Variants in DUT observed in about 807,000 individuals in gnomAD.
The protein encoded by DUT is deoxyuridine 5'-triphosphate nucleotidohydrolase, mitochondrial.
A neutral mutation model predicts 28.8 loss-of-function variants in DUT; 21 were observed. The observed-to-expected ratio is 0.73, with a 90% CI of 0.52 to 1.05. The LOEUF (loss-of-function observed/expected upper bound fraction) is 1.05. Ranked by LOEUF, DUT falls within the 50% of genes least tolerant of loss-of-function variation. The pLI is 0.00. For missense variants in DUT, 344 were observed against 351.8 expected (o/e 0.98, Z 0.18); for synonymous variants, 147 against 143.7 (o/e 1.02, Z -0.17).
At chr15:48,334,852 G>A (rs1481986736) in intron 3 of DUT, among the ~76,000 whole-genome samples, 1 of 152,186 alleles carries the variant, frequency 6.6e-6, no homozygotes, top group African/African-American at 2.4e-5. Context: ...TGGCCATGGG[G>A]TTAGGGTAAG....
intron 2 of DUT, 152 bp from the exon 3 acceptor site, chr15:48,334,265 G>A (rs2042450907): frequency 6.6e-6 from 3 of 453,068 alleles, no homozygotes; most frequent in Non-Finnish European, 1.2e-5. Flanking sequence ...AGATGAATTG[G>A]TAATTCATCA....
intron 4 of DUT, among the ~76,000 whole-genome samples, chr15:48,338,852 A>G (rs930532271): frequency 2.6e-5 from 4 of 152,228 alleles, no homozygotes; most frequent in African/African-American, 9.6e-5. Flanking sequence ...AAACAATGGT[A>G]CAGGTTGGGC....
At chr15:48,339,833 A>C (rs966413618) in intron 4 of DUT, among the ~76,000 whole-genome samples, 2 of 152,198 alleles carry the variant, frequency 1.3e-5, no homozygotes, top group Non-Finnish European at 2.9e-5. Context: ...CTAGTAATTC[A>C]TTCATAAAGC....
chr15:48,331,139 G>C, upstream of DUT: 1 of 1,492,186 alleles, frequency 6.7e-7, no homozygotes, highest in Non-Finnish European at 8.9e-7. Flanking sequence ...GGCGCTTAGG[G>C]CGCCGCTAAA....
chr15:48,331,811 G>A lies in DUT; in HGVS notation c.280+16G>A, dbSNP rs1353005710. 13 of 1,363,248 alleles carry A rather than the reference G, an allele frequency of 9.5e-6. No homozygotes were observed. The highest frequency in any genetic ancestry group is 9.4e-6 in the Non-Finnish European group (10 of 1,064,290). The allele number at this position is 1,363,248 out of a possible 1,614,324, so 84.4% of individuals were successfully genotyped here. The stretch of plus-strand genomic sequence containing the variant: ...CCGGGGCCGGGTAGGAAAGGCGGGG[G>A]AGGGGCTCCGGCCGTCTGGAAGGAA... On this transcript the variant is annotated intron_variant, in intron 1 of 6. Coordinates refer to ENST00000331200, the MANE Select transcript of DUT (RefSeq NM_001025248.2).
In DUT at chr15:48,342,043, G is replaced by T. The variant is rs565270265; in HGVS notation, c.724G>T (p.Gly242Cys). ...EVQALDDTER[G>C]SGGFGSTGKN ...TCAGGCCTTGGATGACACCGAAAGGGGTTCAGGAGGTTTTGGTTCCACTGG... is the reference window on the plus strand; with the variant it reads ...TCAGGCCTTGGATGACACCGAAAGGTGTTCAGGAGGTTTTGGTTCCACTGG... Residue 242 changes from glycine (G) to cysteine (C), a missense_variant, in exon 7 of 7, where the codon GGT (glycine) becomes TGT (cysteine). Gly to Cys is a radical substitution (Grantham distance 159). Coordinates refer to ENST00000331200, the MANE Select transcript of DUT (RefSeq NM_001025248.2). 6.3e-7 allele frequency: 1 copy of T among 1,580,848 alleles called. No individual in the cohort carries two copies. Among genetic ancestry groups the T allele is most frequent in the African/African-American group, 1.4e-5 (1 of 72,362 alleles).
At chr15:48,332,453 C>A in intron 2 of DUT, 47 bp downstream of exon 2, 1 of 1,448,896 alleles carries the variant, frequency 6.9e-7, no homozygotes, top group South Asian at 1.3e-5. Context: ...GCCGGCCGTC[C>A]GCTGCCACAG....
intron 4 of DUT, among the ~76,000 whole-genome samples, chr15:48,336,574 A>C (rs1296883297): frequency 6.6e-6 from 1 of 152,204 alleles, no homozygotes; most frequent in African/African-American, 2.4e-5. Context: ...ACCTTTCATG[A>C]AGAACCCTCA....
chr15:48,332,212 C>T (rs2071296), intron 1 of DUT, 56 bp from the exon 2 acceptor site: 10 of 1,538,304 alleles, frequency 6.5e-6, no homozygotes, highest in Non-Finnish European at 7.9e-6. Flanking sequence ...GCGCTCTCCT[C>T]TTCCCCCGGT....
intron 2 of DUT, 72 bp downstream of exon 2, chr15:48,332,478 C>T (rs944271774): frequency 1.5e-6 from 2 of 1,315,724 alleles, no homozygotes; most frequent in Non-Finnish European, 2.1e-6. Context: ...AAACAGTCAC[C>T]GGAGAGATCA....
At chr15:48,331,108 C>A, upstream of DUT, 11 of 1,245,468 alleles carry the variant, frequency 8.8e-6, no homozygotes, top group Non-Finnish European at 1.0e-5. Flanking sequence ...ATAACTGTCA[C>A]CGGCGCCGAG....
intron 4 of DUT, among the ~76,000 whole-genome samples, chr15:48,337,425 T>C (rs1023802761): frequency 3.3e-5 from 5 of 152,230 alleles, no homozygotes; most frequent in Admixed American, 2.6e-4. Flanking sequence ...TAACTAGTTA[T>C]TACTTAACCT....
chr15:48,332,106 C>A (rs926536267), intron 1 of DUT, 162 bp from the exon 2 acceptor site: 1 of 1,372,258 alleles, frequency 7.3e-7, no homozygotes, highest in East Asian at 2.9e-5. Flanking sequence ...CCCTCTCAGC[C>A]AGAACTGTGG....
chr15:48,341,059 G>C, intron 4 of DUT: 1 of 373,414 alleles, frequency 2.7e-6, no homozygotes, highest in Non-Finnish European at 4.8e-6. Flanking sequence ...GTCGCCATTT[G>C]ATAAAGAGTG....
At position 48,336,035 on chromosome 15, in the gene DUT, TTG is replaced by T; in HGVS notation, c.512-9_512-8del. On this transcript the variant is annotated splice_polypyrimidine_tract_variant and intron_variant, in intron 3 of 6. Transcript: ENST00000331200. The stretch of plus-strand genomic sequence containing the variant: ...CTTAAAATAACCAATGTCTCCTTTT[TTG>T]TTTTTTAGCTCCACGGTCAGGCTTG... 1.2e-6 allele frequency: 2 copies of T among 1,604,002 alleles called. No homozygotes were observed. The highest frequency in any genetic ancestry group is 1.7e-6 in the Non-Finnish European group (2 of 1,177,522).
chr15:48,332,740 G>T, intron 2 of DUT: 1 of 546,050 alleles, frequency 1.8e-6, no homozygotes, highest in Non-Finnish European at 3.5e-6. Context: ...AAACCAAGGT[G>T]AGAGCCTAGA....
At chr15:48,335,483 T>A (rs2042465715) in intron 3 of DUT, among the ~76,000 whole-genome samples, 1 of 152,194 alleles carries the variant, frequency 6.6e-6, no homozygotes, top group Admixed American at 6.5e-5. Context: ...CCTACAGGCA[T>A]GTCTTTTGGC....
At chr15:48,331,358 C>T, upstream of DUT, 1 of 1,462,982 alleles carries the variant, frequency 6.8e-7, no homozygotes, top group Non-Finnish European at 9.0e-7. Context: ...CCTGCGCCAT[C>T]CCTGGGCTGC....
chr15:48,331,220 C>A, upstream of DUT: 1 of 1,510,440 alleles, frequency 6.6e-7, no homozygotes, highest in South Asian at 1.2e-5. Flanking sequence ...AGGGCCCGGG[C>A]CTGGCGTACA....
Sources: allele counts gnomAD v4.1 joint callset (sites outside exome capture counted in the v4.1 genomes callset), GRCh38; gene constraint gnomAD v4.1.1; transcripts MANE v1.5; gene names NCBI Gene and HGNC (gene_info 2026-07-23, HGNC 2026-07-21).